SCIN: variants seen among roughly 807,000 people sequenced by gnomAD.
SCIN encodes adseverin.
In SCIN, 91 loss-of-function variants were observed where a neutral mutation model predicts 91.8. That is an observed-to-expected ratio of 0.99 (90% CI 0.84 to 1.18). SCIN has a LOEUF of 1.18. Among genes scored for constraint, SCIN ranks in the 50% most tolerant of loss-of-function variants. The pLI is 0.00. For missense variants in SCIN, 1,087 were observed against 863.9 expected (o/e 1.26, Z -3.24); for synonymous variants, 367 against 312.6 (o/e 1.17, Z -1.84).
Position 12,654,357 on chromosome 7 carries a change from A to G in SCIN, c.*1642A>G, listed in dbSNP as rs1784134477. 6.6e-6 allele frequency: 1 copy of G among 152,140 alleles called. No homozygotes were observed. The highest frequency in any genetic ancestry group is 1.5e-5 in the Non-Finnish European group (1 of 68,008). The allele number at this position is 152,140 out of a possible 1,614,324, so 9.4% of individuals were successfully genotyped here. A position where few individuals can be genotyped will look rare whatever the true frequency, so the allele number is the denominator to read the frequency against. ...GATTTCTCAGCCTTACTTCAACTTG[A>G]TTATGACCATGTGACCCAATTCTGA... On this transcript the variant is annotated 3_prime_UTR_variant, in exon 16 of 16. Coordinates refer to ENST00000297029, the MANE Select transcript of SCIN (RefSeq NM_001112706.3).
At chr7:12,576,463 T>C (rs748524108) in intron 1 of SCIN, among the ~76,000 whole-genome samples, 7 of 152,056 alleles carry the variant, frequency 4.6e-5, no homozygotes, top group Non-Finnish European at 8.8e-5. Context: ...CTTTCTTTAA[T>C]ACAACTGACT....
At chr7:12,617,464 A>G (rs1172191716) in intron 4 of SCIN, among the ~76,000 whole-genome samples, 1 of 152,144 alleles carries the variant, frequency 6.6e-6, no homozygotes, top group Non-Finnish European at 1.5e-5. Flanking sequence ...TCATCCAAGC[A>G]CTGATCAGAC....
chr7:12,638,846 T>G (rs980890910), intron 10 of SCIN, among the ~76,000 whole-genome samples: 3 of 152,196 alleles, frequency 2.0e-5, no homozygotes, highest in African/African-American at 7.2e-5. Flanking sequence ...ATTCTTTAAA[T>G]GCACTCAATT....
chr7:12,659,758 C>T lies in SCIN; in HGVS notation c.*7043C>T, dbSNP rs1453705586. ...CCATGGACTGCCCTATGCAAAATAA[C>T]TAGCTCCCCACTTTACACAGAGTAC... On this transcript the variant is annotated 3_prime_UTR_variant, in exon 16 of 16. Transcript: ENST00000297029. The T allele has an allele frequency of 6.2e-6, 1 of 161,246 alleles. No individual in the cohort carries two copies. Among genetic ancestry groups the T allele is most frequent in the African/African-American group, 2.4e-5 (1 of 41,594 alleles). The allele number at this position is 161,246 out of a possible 1,614,324, so 10.0% of individuals were successfully genotyped here. A position where few individuals can be genotyped will look rare whatever the true frequency, so the allele number is the denominator to read the frequency against.
In SCIN at chr7:12,570,765, C is replaced by T. The variant is rs943505877; in HGVS notation, c.-22C>T. 4.5e-6 allele frequency: 7 copies of T among 1,547,152 alleles called. No individual in the cohort carries two copies. The African/African-American group carries it at 8.2e-5, about 18-fold the overall frequency. ...AAGATCAGCGATATCACGCGTCCCC[C>T]GGAGCATCGCGTGCAGGAGCCATGG... On this transcript the variant is annotated 5_prime_UTR_variant, in exon 1 of 16. Coordinates refer to ENST00000297029, the MANE Select transcript of SCIN (RefSeq NM_001112706.3).
At chr7:12,635,905 T>A in intron 9 of SCIN, 140 bp from the exon 10 acceptor site, 1 of 650,604 alleles carries the variant, frequency 1.5e-6, no homozygotes, top group Non-Finnish European at 2.7e-6. Context: ...ACAAAAACAA[T>A]AGCTTAACAG....
At chr7:12,580,069 C>A (rs1782456848) in intron 2 of SCIN, among the ~76,000 whole-genome samples, 1 of 151,906 alleles carries the variant, frequency 6.6e-6, no homozygotes, top group Non-Finnish European at 1.5e-5. Context: ...CTGAAATTAA[C>A]ATTTAATCTA....
Position 12,654,592 on chromosome 7 carries a change from T to G in SCIN, c.*1877T>G, listed in dbSNP as rs1784137932. 6.6e-6 allele frequency: 1 copy of G among 152,164 alleles called. No homozygotes were observed. Among genetic ancestry groups the G allele is most frequent in the African/African-American group, 2.4e-5 (1 of 41,450 alleles). The allele number at this position is 152,164 out of a possible 1,614,324, so 9.4% of individuals were successfully genotyped here. A position where few individuals can be genotyped will look rare whatever the true frequency, so the allele number is the denominator to read the frequency against. On this transcript the variant is annotated 3_prime_UTR_variant, in exon 16 of 16. Coordinates refer to ENST00000297029, the MANE Select transcript of SCIN (RefSeq NM_001112706.3). Reference sequence around the variant, plus strand: ...AAGCTGAATATTTTTTGAAGGATGATGAGAATAAAATGATTTAATAAGTAG... The same window carrying G: ...AAGCTGAATATTTTTTGAAGGATGAGGAGAATAAAATGATTTAATAAGTAG...
At position 12,657,572 on chromosome 7, in the gene SCIN, A is replaced by ATATATATATATATATTT. The variant is rs1554298408; in HGVS notation, c.*4858_*4859insATATATATATATATTTT. The ATATATATATATATATTT allele has an allele frequency of 1.4e-4, 3 of 22,076 alleles. No individual in the cohort carries two copies. Among genetic ancestry groups the ATATATATATATATATTT allele is most frequent in the Non-Finnish European group, 3.9e-4 (3 of 7,714 alleles). The allele number at this position is 22,076 out of a possible 1,614,324, so 1.4% of individuals were successfully genotyped here. A position where few individuals can be genotyped will look rare whatever the true frequency, so the allele number is the denominator to read the frequency against. On this transcript the variant is annotated 3_prime_UTR_variant, in exon 16 of 16. Coordinates refer to ENST00000297029, the MANE Select transcript of SCIN (RefSeq NM_001112706.3). ...TATATATATATATATATATATATAT[A>ATATATATATATATATTT]TTTTTTTTTTTTTTTTTTTTTTTTT...
At chr7:12,601,812 T>A (rs1409818180) in intron 3 of SCIN, among the ~76,000 whole-genome samples, 1 of 152,234 alleles carries the variant, frequency 6.6e-6, no homozygotes, top group African/African-American at 2.4e-5. Flanking sequence ...AATTATATTA[T>A]TCTATGTCTT....
chr7:12,641,446 C>G (rs1278183874), intron 11 of SCIN, among the ~76,000 whole-genome samples: 1 of 152,096 alleles, frequency 6.6e-6, no homozygotes, highest in Non-Finnish European at 1.5e-5. Context: ...TTTATCTTGC[C>G]TCTCTCTTTT....
chr7:12,651,968 T>A lies in SCIN; in HGVS notation c.2020+67T>A. 1 of 1,056,230 alleles carries A rather than the reference T, an allele frequency of 9.5e-7. No individual in the cohort carries two copies. The highest frequency in any genetic ancestry group is 1.4e-6 in the Non-Finnish European group (1 of 706,742). 65.4% of individuals were successfully genotyped at this position (1,056,230 alleles called of 1,614,324 possible). A position where few individuals can be genotyped will look rare whatever the true frequency, so the allele number is the denominator to read the frequency against. Reference sequence around the variant, plus strand: ...CATTATGACCGAGTGTCTGGCTTGCTCTTTGCCACCATGTCTTACAAAAAT... The same window carrying A: ...CATTATGACCGAGTGTCTGGCTTGCACTTTGCCACCATGTCTTACAAAAAT... On this transcript the variant is annotated intron_variant, in intron 15 of 15. Coordinates refer to ENST00000297029, the MANE Select transcript of SCIN (RefSeq NM_001112706.3). The surrounding 1 kb of genome is among the most constrained non-coding windows in gnomAD (Gnocchi z 5.9).
At chr7:12,607,692 G>A (rs575213504) in intron 4 of SCIN, among the ~76,000 whole-genome samples, 2 of 152,164 alleles carry the variant, frequency 1.3e-5, no homozygotes, top group African/African-American at 4.8e-5. Flanking sequence ...ACAATGAACT[G>A]AGATGAATTT....
intron 4 of SCIN, among the ~76,000 whole-genome samples, chr7:12,605,093 C>G (rs1298177304): frequency 6.6e-6 from 1 of 151,856 alleles, no homozygotes; most frequent in African/African-American, 2.4e-5. Context: ...GCTCTGTCGC[C>G]CAGGCTGGAG....
At chr7:12,631,128 T>C (rs1413922755) in intron 9 of SCIN, among the ~76,000 whole-genome samples, 2 of 152,224 alleles carry the variant, frequency 1.3e-5, no homozygotes, top group East Asian at 1.9e-4. Flanking sequence ...TGTGGACATA[T>C]TAAAATAGAA....
At chr7:12,630,298 G>C (rs1369574729) in intron 9 of SCIN, among the ~76,000 whole-genome samples, 1 of 152,142 alleles carries the variant, frequency 6.6e-6, no homozygotes, top group African/African-American at 2.4e-5. Flanking sequence ...TAGACTCTCA[G>C]GCCCCACCTT....
At chr7:12,637,669 T>C (rs849762) in intron 10 of SCIN, among the ~76,000 whole-genome samples, 86,134 of 151,480 alleles carry the variant, frequency 0.57, 26,157 homozygotes, top group South Asian at 0.7. Flanking sequence ...GAGAGGATAG[T>C]GTGAGAGGGA....
At chr7:12,575,366 C>T (rs945874999) in intron 1 of SCIN, among the ~76,000 whole-genome samples, 1 of 149,894 alleles carries the variant, frequency 6.7e-6, no homozygotes, top group South Asian at 2.1e-4. Flanking sequence ...TACTTTATTG[C>T]AGTGGTTAGA....
At chr7:12,642,476 T>TAC (rs1783876658) in intron 11 of SCIN, among the ~76,000 whole-genome samples, 1 of 151,958 alleles carries the variant, frequency 6.6e-6, no homozygotes, top group African/African-American at 2.4e-5. Context: ...ACTGCATCAT[T>TAC]TCTCTGTCCT....
Sources: gnomAD v4.1 joint callset for allele counts (sites outside exome capture counted in the v4.1 genomes callset) on GRCh38, gnomAD v4.1.1 for gene constraint, Gnocchi (gnomAD v3.1) non-coding constraint, MANE v1.5 for transcripts, NCBI Gene and HGNC (gene_info 2026-07-23, HGNC 2026-07-21) for gene names.